LMX1B: variants seen among roughly 807,000 people sequenced by gnomAD.
The protein encoded by LMX1B is LIM homeobox transcription factor 1 beta, also known as LIM homeobox transcription factor 1-beta.
In LMX1B, 12 loss-of-function variants were observed where a neutral mutation model predicts 51.4. That is an observed-to-expected ratio of 0.23 (90% CI 0.15 to 0.38). LMX1B has a LOEUF of 0.38. Among genes scored for constraint, LMX1B ranks in the 10% least tolerant of loss-of-function variants. The pLI is 1.00. For missense variants in LMX1B, 445 were observed against 571.1 expected, an observed-to-expected ratio of 0.78 and a Z score of 2.25; for synonymous variants, 237 against 235.4, an observed-to-expected ratio of 1.01 and a Z score of -0.06.
At chr9:126,684,782 G>T (rs561641189) in intron 2 of LMX1B, among the ~76,000 whole-genome samples, 1 of 152,268 alleles carries the variant, frequency 6.6e-6, no homozygotes, top group East Asian at 1.9e-4. Context: ...AGGGGATGAG[G>T]GTGCTTTTGG....
rs983740820 is a variant in LMX1B, at chr9:126,618,297, C to T, written c.326+2728C>T. Among the ~76,000 whole-genome samples the T allele has an allele frequency of 6.6e-6, 1 of 152,176 alleles. No individual in the cohort carries two copies. Among genetic ancestry groups the T allele is most frequent in the Non-Finnish European group, 1.5e-5 (1 of 68,044 alleles). ...AGAGGTTGCCATTTTTAGTAAATGT[C>T]TCTTCTTCCTTTCGATTTGTTCTCA... On this transcript the variant is annotated intron_variant, in intron 2 of 7. Coordinates refer to ENST00000373474, the MANE Select transcript of LMX1B (RefSeq NM_001174147.2). This position sits in a 1 kb window ranked among gnomAD's most constrained non-coding sequence, Gnocchi z 4.5.
chr9:126,668,191 G>T (rs139061126), intron 2 of LMX1B, among the ~76,000 whole-genome samples: 1 of 152,162 alleles, frequency 6.6e-6, no homozygotes, highest in African/African-American at 2.4e-5. Flanking sequence ...GAGACCAGGG[G>T]TCTGCAGAGA....
At chr9:126,662,103 G>C (rs1381253989) in intron 2 of LMX1B, among the ~76,000 whole-genome samples, 1 of 152,218 alleles carries the variant, frequency 6.6e-6, no homozygotes, top group Non-Finnish European at 1.5e-5. Context: ...GAGTCAGACA[G>C]ACACAGGGCT....
chr9:126,651,506 G>A (rs879427514), intron 2 of LMX1B, among the ~76,000 whole-genome samples: 8 of 152,068 alleles, frequency 5.3e-5, no homozygotes, highest in Admixed American at 1.3e-4. Flanking sequence ...TAAACAAAAC[G>A]AAGGGCCTTG....
Position 126,658,982 on chromosome 9 carries a change from G to A in LMX1B, c.327-31854G>A, listed in dbSNP as rs1433267496. ...CAAGGCTGGGATACAGGGTGGGAGGGACCCTTCAGGGGGCTGAGAGGCGGG... is the reference window on the plus strand; with the variant it reads ...CAAGGCTGGGATACAGGGTGGGAGGAACCCTTCAGGGGGCTGAGAGGCGGG... On this transcript the variant is annotated intron_variant, in intron 2 of 7. Coordinates refer to ENST00000373474, the MANE Select transcript of LMX1B (RefSeq NM_001174147.2). The surrounding 1 kb of genome is among the most constrained non-coding windows in gnomAD (Gnocchi z 4.0). Among the ~76,000 whole-genome samples, 2 of 152,158 alleles carry A rather than the reference G, an allele frequency of 1.3e-5. No homozygotes were observed. Among genetic ancestry groups the A allele is most frequent in the South Asian group, 2.1e-4 (1 of 4,832 alleles).
chr9:126,657,853 A>G (rs1015885554), intron 2 of LMX1B, among the ~76,000 whole-genome samples: 1 of 152,184 alleles, frequency 6.6e-6, no homozygotes, highest in Non-Finnish European at 1.5e-5. Flanking sequence ...GATGCAGGAC[A>G]TTCCCTGCAT....
intron 2 of LMX1B, among the ~76,000 whole-genome samples, chr9:126,620,295 C>T (rs1835382873): frequency 6.6e-6 from 1 of 152,182 alleles, no homozygotes; most frequent in African/African-American, 2.4e-5. Context: ...GGAGTCAGAC[C>T]TGAGTTCACC....
rs777821859 is a variant in LMX1B at position 126,696,263 on chromosome 9, C to T, written c.1052-31C>T. 15 of 1,611,910 alleles carry T rather than the reference C, an allele frequency of 9.3e-6. No individual in the cohort carries two copies. The South Asian group carries it at 9.9e-5, about 11-fold the overall frequency. ...GGGCCCCCAGGAGCCCCAGCCTGTACCCCGGTCCTGACACCCCTTCTGCCC... is the reference window on the plus strand; with the variant it reads ...GGGCCCCCAGGAGCCCCAGCCTGTATCCCGGTCCTGACACCCCTTCTGCCC... On this transcript the variant is annotated intron_variant, in intron 7 of 7. Transcript: ENST00000373474.
At chr9:126,688,763 G>A (rs1189421529) in intron 2 of LMX1B, among the ~76,000 whole-genome samples, 1 of 152,208 alleles carries the variant, frequency 6.6e-6, no homozygotes, top group Non-Finnish European at 1.5e-5. Flanking sequence ...CTGCAGGCTG[G>A]TGGGGTCCAG....
In LMX1B at chr9:126,688,659, C is replaced by T. The variant is rs150076355; in HGVS notation, c.327-2177C>T. Among the ~76,000 whole-genome samples, 948 of 152,318 alleles carry T rather than the reference C, an allele frequency of 6.2e-3. 5 individuals are homozygous for T. Among genetic ancestry groups the T allele is most frequent in the Middle Eastern group, 0.01 (3 of 294 alleles). On this transcript the variant is annotated intron_variant, in intron 2 of 7. Transcript: ENST00000373474. ...GGCCTCTGCCTAAAGCTGTCACTGACAGTTGGGTAGGTTGTGCCCTGAACA... is the reference window on the plus strand; with the variant it reads ...GGCCTCTGCCTAAAGCTGTCACTGATAGTTGGGTAGGTTGTGCCCTGAACA...
chr9:126,670,344 G>C (rs1836426099), intron 2 of LMX1B, among the ~76,000 whole-genome samples: 1 of 152,262 alleles, frequency 6.6e-6, no homozygotes, highest in African/African-American at 2.4e-5. Flanking sequence ...ATGTAAATGT[G>C]TGAGCACACT....
chr9:126,638,143 C>T (rs953285453), intron 2 of LMX1B, among the ~76,000 whole-genome samples: 16 of 152,124 alleles, frequency 1.1e-4, no homozygotes, highest in African/African-American at 3.9e-4. Context: ...GGCAGGTTCC[C>T]GAAGCCTGAG....
At chr9:126,649,762 G>A (rs1588279699) in intron 2 of LMX1B, among the ~76,000 whole-genome samples, 2 of 152,182 alleles carry the variant, frequency 1.3e-5, no homozygotes, top group African/African-American at 4.8e-5. Context: ...AAGTAGCTGG[G>A]ACTATGGGCA....
intron 2 of LMX1B, among the ~76,000 whole-genome samples, chr9:126,652,296 A>AG (rs3841407): frequency 0.053 from 6,399 of 120,138 alleles, 296 homozygotes; most frequent in African/African-American, 0.095. Flanking sequence ...GAGGAGGAGA[A>AG]GGGGGGGGGG....
At chr9:126,636,513 G>A in intron 2 of LMX1B, among the ~76,000 whole-genome samples, 1 of 152,138 alleles carries the variant, frequency 6.6e-6, no homozygotes, top group East Asian at 1.9e-4. Context: ...TTCTAAGCAG[G>A]GGGGTGTCAT....
At chr9:126,629,305 C>T (rs1201514114) in intron 2 of LMX1B, among the ~76,000 whole-genome samples, 5 of 152,210 alleles carry the variant, frequency 3.3e-5, no homozygotes, top group Non-Finnish European at 7.3e-5. Context: ...CTGGAGCATG[C>T]ACGACAGCAG....
intron 2 of LMX1B, among the ~76,000 whole-genome samples, chr9:126,633,864 T>C (rs1388421186): frequency 6.6e-6 from 1 of 152,194 alleles, no homozygotes; most frequent in Non-Finnish European, 1.5e-5. Flanking sequence ...GAGCCTGTTA[T>C]TATCCCCATT....
rs577172677 is a variant in LMX1B, at chr9:126,682,894, GAAAAAA to G, written c.327-7926_327-7921del. On this transcript the variant is annotated intron_variant, in intron 2 of 7. Transcript: ENST00000373474. ...TGGGTGACAGAGAGGCACTCTGTCT[GAAAAAA>G]AAAAAAAAAAAAAAAGAAAGAAAGA... Among the ~76,000 whole-genome samples, 20 of 86,130 alleles carry G rather than the reference GAAAAAA, an allele frequency of 2.3e-4. No individual in the cohort carries two copies. The East Asian group carries it at 3.3e-3, about 14-fold the overall frequency. 56.5% of individuals were successfully genotyped at this position (86,130 alleles called of 152,430 possible). A position where few individuals can be genotyped will look rare whatever the true frequency, so the allele number is the denominator to read the frequency against.
At chr9:126,665,996 C>A (rs935493242) in intron 2 of LMX1B, among the ~76,000 whole-genome samples, 1 of 152,260 alleles carries the variant, frequency 6.6e-6, no homozygotes, top group Non-Finnish European at 1.5e-5. Context: ...GGCCTCTCAT[C>A]ACAGCTCCTA....
Sources: gnomAD v4.1 joint callset for allele counts (sites outside exome capture counted in the v4.1 genomes callset) on GRCh38, gnomAD v4.1.1 for gene constraint, Gnocchi (gnomAD v3.1) non-coding constraint, MANE v1.5 for transcripts, NCBI Gene and HGNC (gene_info 2026-07-23, HGNC 2026-07-21) for gene names.